Variants in BMPR1B observed in about 807,000 individuals in gnomAD.
BMPR1B encodes the protein bone morphogenetic protein receptor type-1B.
A neutral mutation model predicts 59.1 loss-of-function variants in BMPR1B; 12 were observed. That is an observed-to-expected ratio of 0.20 (90% CI 0.13 to 0.33). The LOEUF is 0.33. Among genes scored for constraint, BMPR1B ranks in the 10% least tolerant of loss-of-function variants. The probability of loss-of-function intolerance (pLI) is 1.00; values close to 1 mark genes in which losing one functional copy is unlikely to be tolerated. For synonymous variants in BMPR1B, 237 were observed against 207.3 expected, an observed-to-expected ratio of 1.14 and a Z score of -1.23; for missense variants, 550 against 610.9, an observed-to-expected ratio of 0.90 and a Z score of 1.05.
At chr4:95,086,652 A>G (rs768269197) in intron 3 of BMPR1B, among the ~76,000 whole-genome samples, 7 of 152,228 alleles carry the variant, frequency 4.6e-5, no homozygotes, top group East Asian at 1.9e-4. Context: ...CCTTTGAACA[A>G]TACTGCTAAG....
chr4:95,001,010 A>T (rs1310076270), intron 3 of BMPR1B, among the ~76,000 whole-genome samples: 1 of 152,318 alleles, frequency 6.6e-6, no homozygotes, highest in East Asian at 1.9e-4. Flanking sequence ...TGTGGCATCC[A>T]TAGGTAACAT....
At chr4:95,130,403 G>A (rs982881111) in intron 9 of BMPR1B, among the ~76,000 whole-genome samples, 2 of 152,140 alleles carry the variant, frequency 1.3e-5, no homozygotes, top group African/African-American at 2.4e-5. Context: ...AATCTTATCT[G>A]CAGGGTTTAT....
intron 1 of BMPR1B, among the ~76,000 whole-genome samples, chr4:94,835,369 T>C (rs1197805193): frequency 6.6e-6 from 1 of 152,100 alleles, no homozygotes; most frequent in Non-Finnish European, 1.5e-5. Flanking sequence ...GATATGATGA[T>C]TTGTTGACTG....
intron 2 of BMPR1B, among the ~76,000 whole-genome samples, chr4:94,941,867 C>T (rs914927604): frequency 4.6e-5 from 7 of 152,284 alleles, no homozygotes; most frequent in Middle Eastern, 6.8e-3. Flanking sequence ...TGTTGTTTTG[C>T]GTCTCAGACA....
At chr4:94,845,800 A>G (rs10014945) in intron 1 of BMPR1B, among the ~76,000 whole-genome samples, 93,306 of 152,050 alleles carry the variant, frequency 0.61, 29,644 homozygotes, top group African/African-American at 0.78. Context: ...TATAAGCAAA[A>G]TATTAGTATC....
intron 3 of BMPR1B, among the ~76,000 whole-genome samples, chr4:95,034,774 T>G (rs547136473): frequency 1.3e-5 from 2 of 152,048 alleles, no homozygotes; most frequent in South Asian, 4.2e-4. Flanking sequence ...ATAACTTTTT[T>G]TTCCCTCTGG....
intron 2 of BMPR1B, among the ~76,000 whole-genome samples, chr4:94,946,649 T>G (rs1174474243): frequency 1.3e-5 from 2 of 152,198 alleles, no homozygotes; most frequent in Non-Finnish European, 2.9e-5. Flanking sequence ...ATCGCTAAAT[T>G]AGTTCATCCA....
intron 10 of BMPR1B, among the ~76,000 whole-genome samples, chr4:95,132,609 C>T (rs1159060142): frequency 6.6e-6 from 1 of 151,496 alleles, no homozygotes; most frequent in Non-Finnish European, 1.5e-5. Context: ...AATCCTTTCT[C>T]CCTTCTGATT....
intron 3 of BMPR1B, among the ~76,000 whole-genome samples, chr4:95,006,280 C>G (rs946862638): frequency 2.0e-5 from 3 of 150,412 alleles, no homozygotes; most frequent in Non-Finnish European, 4.4e-5. Flanking sequence ...CGCGATGGCT[C>G]ACACCTGTAA....
chr4:95,091,057 T>C (rs963645956), intron 3 of BMPR1B, among the ~76,000 whole-genome samples: 1 of 152,086 alleles, frequency 6.6e-6, no homozygotes, highest in African/African-American at 2.4e-5. Context: ...TAAGATAAAC[T>C]TAAGACATTG....
intron 6 of BMPR1B, among the ~76,000 whole-genome samples, chr4:95,119,523 T>C (rs909700298): frequency 2.6e-5 from 4 of 152,206 alleles, no homozygotes; most frequent in Non-Finnish European, 5.9e-5. Flanking sequence ...AGACAATGAA[T>C]GCTCAAATTA....
At chr4:95,026,535 G>T (rs918325313) in intron 3 of BMPR1B, among the ~76,000 whole-genome samples, 2 of 151,996 alleles carry the variant, frequency 1.3e-5, no homozygotes, top group African/African-American at 2.4e-5. Context: ...GAGGCCATTA[G>T]AAGTTTTCCC....
At chr4:95,032,611 G>A (rs1724952656) in intron 3 of BMPR1B, among the ~76,000 whole-genome samples, 1 of 152,124 alleles carries the variant, frequency 6.6e-6, no homozygotes, top group Non-Finnish European at 1.5e-5. Context: ...TTAAGTAGAA[G>A]CATACAATCT....
intron 3 of BMPR1B, among the ~76,000 whole-genome samples, chr4:95,023,839 A>G (rs1724167058): frequency 1.3e-5 from 2 of 152,226 alleles, no homozygotes; most frequent in South Asian, 4.1e-4. Context: ...ATGTGAGGAC[A>G]TTGATTTTGT....
At chr4:95,150,898 G>A (rs1024068792) in intron 11 of BMPR1B, among the ~76,000 whole-genome samples, 14 of 152,128 alleles carry the variant, frequency 9.2e-5, no homozygotes, top group East Asian at 3.9e-4. Context: ...TCTCAGAAAC[G>A]CATTTGTGAG....
chr4:94,929,408 C>A (rs550759275), intron 2 of BMPR1B, among the ~76,000 whole-genome samples: 1 of 152,102 alleles, frequency 6.6e-6, no homozygotes, highest in Non-Finnish European at 1.5e-5. Flanking sequence ...TATCATCTCT[C>A]TGCTAAAACT....
chr4:95,049,315 A>C (rs565400425), intron 3 of BMPR1B, among the ~76,000 whole-genome samples: 1 of 150,178 alleles, frequency 6.7e-6, no homozygotes, highest in Non-Finnish European at 1.5e-5. Context: ...GGGTCTTGCT[A>C]TGTTGCTCAG....
chr4:95,043,972 A>C (rs1362771645), intron 3 of BMPR1B, among the ~76,000 whole-genome samples: 1 of 152,208 alleles, frequency 6.6e-6, no homozygotes, highest in Non-Finnish European at 1.5e-5. Flanking sequence ...TAACAAATGT[A>C]TGTCCTCTAT....
chr4:94,842,407 A>T (rs1485180175), intron 1 of BMPR1B, among the ~76,000 whole-genome samples: 1 of 152,222 alleles, frequency 6.6e-6, no homozygotes. Flanking sequence ...ACCACATCCT[A>T]GATAGATTTT....
Sources: gnomAD v4.1 joint callset for allele counts (sites outside exome capture counted in the v4.1 genomes callset) on GRCh38, gnomAD v4.1.1 for gene constraint, MANE v1.5 for transcripts, NCBI Gene and HGNC (gene_info 2026-07-23, HGNC 2026-07-21) for gene names.